DNAJC5B: variants seen among roughly 807,000 people sequenced by gnomAD.
The protein encoded by DNAJC5B is dnaJ homolog subfamily C member 5B.
DNAJC5B carries 23 observed loss-of-function variants against 24.7 expected under a neutral mutation model. That is an observed-to-expected ratio of 0.93 (90% confidence interval 0.67 to 1.32). DNAJC5B has a LOEUF of 1.32. Ranked by LOEUF, DNAJC5B falls within the 40% of genes most tolerant of loss-of-function variation. The pLI is 0.00. For missense variants in DNAJC5B, 238 were observed against 240.8 expected (o/e 0.99, Z 0.08); for synonymous variants, 101 against 90.1 (o/e 1.12, Z -0.68).
intron 2 of DNAJC5B, among the ~76,000 whole-genome samples, chr8:66,047,225 C>T (rs953671989): frequency 2.0e-5 from 3 of 152,178 alleles, no homozygotes; most frequent in African/African-American, 4.8e-5. Context: ...CAAGAGCAAC[C>T]GTTTGGCCAA....
At chr8:66,096,207 G>T (rs1311474176) in intron 5 of DNAJC5B, among the ~76,000 whole-genome samples, 1 of 152,068 alleles carries the variant, frequency 6.6e-6, no homozygotes, top group African/African-American at 2.4e-5. Context: ...ATTTCACATG[G>T]TGTTTCCTCT....
At chr8:66,057,548 C>CA (rs1806992597) in intron 3 of DNAJC5B, 1 of 152,036 alleles carries the variant, frequency 6.6e-6, no homozygotes, top group Non-Finnish European at 1.5e-5. Context: ...CCACATTTGG[C>CA]AAAAAATAGA....
intron 5 of DNAJC5B, among the ~76,000 whole-genome samples, chr8:66,099,019 CTCTG>C (rs1186109741): frequency 2.8e-5 from 4 of 141,496 alleles, no homozygotes; most frequent in Admixed American, 1.3e-4. Flanking sequence ...CTCTCTAATT[CTCTG>C]TCTCTCTCTC....
At chr8:66,080,629 A>T (rs943812440) in intron 5 of DNAJC5B, 81 bp downstream of exon 5, 1 of 1,294,492 alleles carries the variant, frequency 7.7e-7, no homozygotes, top group African/African-American at 1.5e-5. Context: ...GACAGCTATC[A>T]CTATAGTAGG....
rs780147233 is a variant in DNAJC5B at position 66,021,618 on chromosome 8, A to C, written c.-229A>C. On this transcript the variant is annotated 5_prime_UTR_variant, in exon 1 of 6. Transcript: ENST00000276570. ...TGGAGGGAGCTAGAAGGGATCAGCCAGCCATGCCTCCAGTTCAGGTACTTG... is the reference window on the plus strand; with the variant it reads ...TGGAGGGAGCTAGAAGGGATCAGCCCGCCATGCCTCCAGTTCAGGTACTTG... The C allele has an allele frequency of 4.6e-5, 7 of 152,482 alleles. No individual in the cohort carries two copies. In the South Asian group the frequency reaches 1.4e-3, roughly 32 times the overall value. The allele number at this position is 152,482 out of a possible 1,614,324, so 9.4% of individuals were successfully genotyped here. A position where few individuals can be genotyped will look rare whatever the true frequency, so the allele number is the denominator to read the frequency against.
At chr8:66,065,060 A>T (rs1243744138) in intron 3 of DNAJC5B, among the ~76,000 whole-genome samples, 3 of 152,244 alleles carry the variant, frequency 2.0e-5, no homozygotes, top group Non-Finnish European at 4.4e-5. Context: ...AATGTGGGGA[A>T]ATACTTTTCA....
the DNAJC5B span, among the ~76,000 whole-genome samples, chr8:66,015,696 G>A: frequency 6.6e-6 from 1 of 152,218 alleles, no homozygotes; most frequent in Admixed American, 6.5e-5. Flanking sequence ...TGGTCTGAGA[G>A]AGAATGCCTT....
chr8:66,083,737 C>T (rs1368253694), intron 5 of DNAJC5B, among the ~76,000 whole-genome samples: 1 of 152,150 alleles, frequency 6.6e-6, no homozygotes, highest in Non-Finnish European at 1.5e-5. Flanking sequence ...CAATAATTAA[C>T]AAACAGAGTT....
At chr8:66,095,337 T>C (rs1170649669) in intron 5 of DNAJC5B, among the ~76,000 whole-genome samples, 2 of 152,032 alleles carry the variant, frequency 1.3e-5, no homozygotes, top group East Asian at 3.8e-4. Flanking sequence ...CTCTTATCCT[T>C]CATACATCTA....
chr8:66,022,632 AC>A (rs1429754106), intron 1 of DNAJC5B, among the ~76,000 whole-genome samples: 1 of 152,104 alleles, frequency 6.6e-6, no homozygotes, highest in Non-Finnish European at 1.5e-5. Context: ...ACAGGACACA[AC>A]TCTAACTCTC....
the DNAJC5B span, among the ~76,000 whole-genome samples, chr8:66,016,401 C>T: frequency 5.9e-5 from 9 of 152,038 alleles, no homozygotes; most frequent in East Asian, 1.9e-4. Flanking sequence ...TATAAGCGTC[C>T]GGCATTTCCC....
At chr8:66,064,643 G>A (rs1807151225) in intron 3 of DNAJC5B, among the ~76,000 whole-genome samples, 1 of 152,200 alleles carries the variant, frequency 6.6e-6, no homozygotes, top group South Asian at 2.1e-4. Flanking sequence ...GCTTGGGCCA[G>A]ATACAGATAT....
chr8:66,029,820 T>C (rs1806322768), intron 1 of DNAJC5B, among the ~76,000 whole-genome samples: 1 of 152,114 alleles, frequency 6.6e-6, no homozygotes, highest in Admixed American at 6.5e-5. Context: ...TGATGCCCTC[T>C]AAAGAGACTG....
At chr8:66,082,636 G>T (rs538368309) in intron 5 of DNAJC5B, among the ~76,000 whole-genome samples, 1 of 152,234 alleles carries the variant, frequency 6.6e-6, no homozygotes, top group South Asian at 2.1e-4. Context: ...ACTATGTTAA[G>T]AATTCTTAAC....
chr8:66,051,828 T>C (rs80198134), intron 3 of DNAJC5B, among the ~76,000 whole-genome samples, 162 bp downstream of exon 3: 10,141 of 152,222 alleles, frequency 0.067, 495 homozygotes, highest in African/African-American at 0.13. Flanking sequence ...TGGAAAGGCA[T>C]GACAGTGATT....
intron 3 of DNAJC5B, among the ~76,000 whole-genome samples, chr8:66,073,390 G>A (rs1007821956): frequency 2.0e-5 from 3 of 151,956 alleles, no homozygotes; most frequent in Non-Finnish European, 2.9e-5. Flanking sequence ...GAAATAGGTC[G>A]ACATACTATA....
At chr8:66,032,210 T>C (rs1377124087) in intron 1 of DNAJC5B, among the ~76,000 whole-genome samples, 2 of 152,226 alleles carry the variant, frequency 1.3e-5, no homozygotes, top group Admixed American at 6.5e-5. Context: ...CTCCCAGCAC[T>C]GGTGCTGTGC....
Position 66,089,414 on chromosome 8 carries a change from G to A in DNAJC5B, c.505+8866G>A, listed in dbSNP as rs189838202. Among the ~76,000 whole-genome samples, 20 of 152,218 alleles carry A rather than the reference G, an allele frequency of 1.3e-4. No homozygotes were observed. The East Asian group carries it at 3.3e-3, about 25-fold the overall frequency. ...TTTCACTTTTGAGTACATGTTATAGGACATTATAACTATTTCTTAATTTAT... is the reference window on the plus strand; with the variant it reads ...TTTCACTTTTGAGTACATGTTATAGAACATTATAACTATTTCTTAATTTAT... On this transcript the variant is annotated intron_variant, in intron 5 of 5. Transcript: ENST00000276570.
At chr8:66,036,921 C>T (rs1306247816) in intron 1 of DNAJC5B, among the ~76,000 whole-genome samples, 1 of 152,142 alleles carries the variant, frequency 6.6e-6, no homozygotes, top group Non-Finnish European at 1.5e-5. Context: ...CCTTGCCTGC[C>T]CTCCCACCCA....
Sources: gnomAD v4.1 joint callset for allele counts (sites outside exome capture counted in the v4.1 genomes callset) on GRCh38, gnomAD v4.1.1 for gene constraint, MANE v1.5 for transcripts, NCBI Gene and HGNC (gene_info 2026-07-23, HGNC 2026-07-21) for gene names.